CTIF: variants seen among roughly 807,000 people sequenced by gnomAD.
CTIF encodes CBP80/20-dependent translation initiation factor.
Under a neutral mutation model 66.0 loss-of-function variants are expected in CTIF, and 21 were observed. That is an observed-to-expected ratio of 0.32 (90% confidence interval 0.23 to 0.46). The LOEUF (loss-of-function observed/expected upper bound fraction) is 0.46. CTIF is among the 20% of genes least tolerant of loss of function. The pLI is 1.00. For missense variants in CTIF, 739 were observed against 812.7 expected, an observed-to-expected ratio of 0.91 and a Z score of 1.10; for synonymous variants, 345 against 326.4, an observed-to-expected ratio of 1.06 and a Z score of -0.62.
intron 9 of CTIF, among the ~76,000 whole-genome samples, chr18:48,768,491 T>C (rs760226492): frequency 1.3e-5 from 2 of 152,188 alleles, no homozygotes; most frequent in Admixed American, 1.3e-4. Flanking sequence ...CCCAGGCTTA[T>C]ACATGGGGAA....
intron 9 of CTIF, among the ~76,000 whole-genome samples, chr18:48,768,935 A>G (rs533939823): frequency 6.6e-6 from 1 of 152,342 alleles, no homozygotes; most frequent in African/African-American, 2.4e-5. Context: ...GAAGTCATCA[A>G]TTGGGATTTC....
At chr18:48,832,960 A>G (rs898235053) in intron 10 of CTIF, among the ~76,000 whole-genome samples, 5 of 152,172 alleles carry the variant, frequency 3.3e-5, no homozygotes, top group Admixed American at 1.3e-4. Flanking sequence ...TAGGGAATGA[A>G]TTAGTCTGCC....
intron 9 of CTIF, among the ~76,000 whole-genome samples, chr18:48,796,664 A>G (rs1162300513): frequency 1.3e-5 from 2 of 152,034 alleles, no homozygotes; most frequent in Admixed American, 1.3e-4. Context: ...CTGCCCCCAC[A>G]CTCAACCCCA....
intron 7 of CTIF, among the ~76,000 whole-genome samples, chr18:48,721,908 A>G (rs144376419): frequency 6.6e-6 from 1 of 152,300 alleles, no homozygotes; most frequent in African/African-American, 2.4e-5. Flanking sequence ...TAGGGCTCTG[A>G]TTTCAGCTCT....
chr18:48,699,127 A>AC, intron 6 of CTIF, among the ~76,000 whole-genome samples: 1 of 151,412 alleles, frequency 6.6e-6, no homozygotes, highest in East Asian at 2.0e-4. Context: ...CTTCTTAGAT[A>AC]CCCCCGAGCC....
chr18:48,717,953 A>T (rs1356472001), intron 7 of CTIF, among the ~76,000 whole-genome samples: 1 of 151,808 alleles, frequency 6.6e-6, no homozygotes, highest in African/African-American at 2.4e-5. Context: ...TGTTGCCCAG[A>T]CTGGTCTCAA....
At chr18:48,794,375 C>T (rs1397971507) in intron 9 of CTIF, among the ~76,000 whole-genome samples, 1 of 152,188 alleles carries the variant, frequency 6.6e-6, no homozygotes, top group African/African-American at 2.4e-5. Flanking sequence ...TCGGGGAAAG[C>T]CAGATCTAAG....
chr18:48,697,281 C>T (rs1436505274), intron 6 of CTIF, among the ~76,000 whole-genome samples: 2 of 152,222 alleles, frequency 1.3e-5, no homozygotes, highest in Non-Finnish European at 2.9e-5. Flanking sequence ...GGCTCCTGAG[C>T]TCCTGAAAGT....
At chr18:48,695,247 T>A (rs2091988927) in intron 6 of CTIF, among the ~76,000 whole-genome samples, 1 of 152,268 alleles carries the variant, frequency 6.6e-6, no homozygotes, top group African/African-American at 2.4e-5. Context: ...GGGCTAACCC[T>A]TTCTGTAGCT....
chr18:48,666,397 T>A (rs1210312287), intron 5 of CTIF, among the ~76,000 whole-genome samples: 1 of 152,242 alleles, frequency 6.6e-6, no homozygotes, highest in African/African-American at 2.4e-5. Context: ...ATGAGGAAAA[T>A]AACACTCAGA....
At chr18:48,587,075 C>CTTTT (rs778079682) in intron 1 of CTIF, among the ~76,000 whole-genome samples, 2 of 128,032 alleles carry the variant, frequency 1.6e-5, no homozygotes, top group African/African-American at 2.9e-5. Context: ...AAGCCACATT[C>CTTTT]TTTTTTTTTT....
chr18:48,581,979 G>C (rs1390768338), intron 1 of CTIF, among the ~76,000 whole-genome samples: 1 of 152,094 alleles, frequency 6.6e-6, no homozygotes, highest in Non-Finnish European at 1.5e-5. Context: ...GAAGGATGAT[G>C]GGTTTGGAGT....
At chr18:48,728,815 A>G (rs1266654486) in intron 7 of CTIF, among the ~76,000 whole-genome samples, 3 of 152,300 alleles carry the variant, frequency 2.0e-5, no homozygotes, top group Non-Finnish European at 4.4e-5. Context: ...TCTCAAAGCA[A>G]CATACCATCC....
At chr18:48,548,787 G>A (rs966182600) in intron 1 of CTIF, among the ~76,000 whole-genome samples, 1 of 152,192 alleles carries the variant, frequency 6.6e-6, no homozygotes, top group Non-Finnish European at 1.5e-5. Flanking sequence ...TCAGTTTAGT[G>A]GACACACATG....
chr18:48,658,270 A>T (rs2091278313), intron 3 of CTIF, among the ~76,000 whole-genome samples: 1 of 151,746 alleles, frequency 6.6e-6, no homozygotes, highest in Non-Finnish European at 1.5e-5. Context: ...TGTGTCTTGT[A>T]TGTATATGTG....
At chr18:48,619,844 C>T (rs376141395) in intron 2 of CTIF, 99 bp downstream of exon 2, 46 of 1,220,080 alleles carry the variant, frequency 3.8e-5, no homozygotes, top group Admixed American at 9.2e-5. Flanking sequence ...GACACTAGAC[C>T]GCCAAGGCAT....
At chr18:48,848,176 C>T (rs1327695174) in intron 10 of CTIF, among the ~76,000 whole-genome samples, 2 of 152,346 alleles carry the variant, frequency 1.3e-5, no homozygotes, top group Non-Finnish European at 1.5e-5. Flanking sequence ...TCCGCCACCA[C>T]GGCCTTTACC....
chr18:48,797,492 A>AGGGG (rs1226021396), intron 9 of CTIF, among the ~76,000 whole-genome samples: 39 of 129,878 alleles, frequency 3.0e-4, no homozygotes, highest in African/African-American at 5.8e-4. Context: ...AAAAAAGAAA[A>AGGGG]GGGGTGGGGG....
At chr18:48,679,553 C>A (rs918212897) in intron 6 of CTIF, among the ~76,000 whole-genome samples, 1 of 152,200 alleles carries the variant, frequency 6.6e-6, no homozygotes, top group Non-Finnish European at 1.5e-5. Flanking sequence ...TAAAGGGTGA[C>A]TGTCTTCCTG....
Sources: gnomAD v4.1 joint callset for allele counts (sites outside exome capture counted in the v4.1 genomes callset) on GRCh38, gnomAD v4.1.1 for gene constraint, MANE v1.5 for transcripts, NCBI Gene and HGNC (gene_info 2026-07-23, HGNC 2026-07-21) for gene names.